The following PSPH variants were observed in gnomAD, a reference collection of about 807,000 sequenced individuals.
PSPH encodes L-3-phosphoserine phosphatase.
In PSPH, 16 loss-of-function variants were observed where a neutral mutation model predicts 23.4. The ratio of observed to expected loss-of-function variants is 0.68; its 90% CI spans 0.46 to 1.04. PSPH has a LOEUF of 1.04. Among genes scored for constraint, PSPH ranks in the 50% least tolerant of loss-of-function variants. The pLI is 0.00. For synonymous variants in PSPH, 68 were observed against 99.7 expected, an observed-to-expected ratio of 0.68 and a Z score of 1.89; for missense variants, 223 against 273.7, an observed-to-expected ratio of 0.81 and a Z score of 1.31.
chr7:56,015,443 C>A (rs1419386567), intron 6 of PSPH, among the ~76,000 whole-genome samples: 2 of 152,080 alleles, frequency 1.3e-5, no homozygotes, highest in East Asian at 1.9e-4. Flanking sequence ...CTCATGTGAT[C>A]CTCCTGCCTC....
In PSPH at chr7:56,019,626, TTGCTCTGCTATGAGTCTC is replaced by T. The variant is rs1789049642; in HGVS notation, c.231_248del (p.Arg78_Gln83del). 1 of 1,311,466 alleles carries T rather than the reference TTGCTCTGCTATGAGTCTC, an allele frequency of 7.6e-7. No individual in the cohort carries two copies. Among genetic ancestry groups the T allele is most frequent in the Admixed American group, 2.2e-5 (1 of 44,450 alleles). The allele number at this position is 1,311,466 out of a possible 1,614,324, so 81.2% of individuals were successfully genotyped here. A position where few individuals can be genotyped will look rare whatever the true frequency, so the allele number is the denominator to read the frequency against. On this transcript the variant is annotated inframe_deletion, in exon 5 of 8. Transcript: ENST00000275605. ...TTATGCCGGGGGTCAGGTGTGGGGG[TTGCTCTGCTATGAGTCTC>T]TGCACCTGCTCCCTGGAGGGCTGGA...
chr7:56,030,628 G>A (rs1295365045), intron 3 of PSPH, among the ~76,000 whole-genome samples: 3 of 152,280 alleles, frequency 2.0e-5, no homozygotes, highest in Non-Finnish European at 4.4e-5. Context: ...GCCAGGTGCG[G>A]TGGCTCACAG....
At chr7:56,034,581 T>C (rs1791474147) in intron 1 of PSPH, among the ~76,000 whole-genome samples, 1 of 152,150 alleles carries the variant, frequency 6.6e-6, no homozygotes, top group South Asian at 2.1e-4. Context: ...AGTGGCACGA[T>C]CTCGGCTCAC....
intron 3 of PSPH, among the ~76,000 whole-genome samples, chr7:56,031,263 G>T (rs928407717): frequency 6.6e-6 from 1 of 151,884 alleles, no homozygotes; most frequent in South Asian, 2.1e-4. Flanking sequence ...AAAAACTGAG[G>T]ACTACAAGAA....
At chr7:56,030,825 G>A (rs1790875828) in intron 3 of PSPH, among the ~76,000 whole-genome samples, 1 of 150,704 alleles carries the variant, frequency 6.6e-6, no homozygotes, top group Admixed American at 6.6e-5. Context: ...CTTGAACCTT[G>A]GAGGTGGAGG....
Position 56,040,404 on chromosome 7 carries a change from T to C in PSPH, c.-291-6298A>G, listed in dbSNP as rs560992676. On this transcript the variant is annotated intron_variant, in intron 1 of 7. Coordinates refer to ENST00000275605, the MANE Select transcript of PSPH (RefSeq NM_004577.4). ...ATTTATTTACTTATTTATTTTTATT[T>C]TTTTGGGACAGGGTCTGGCTCTGTC... Among the ~76,000 whole-genome samples the C allele has an allele frequency of 6.6e-5, 10 of 152,260 alleles. No homozygotes were observed. In the East Asian group the frequency reaches 1.9e-3, roughly 29 times the overall value.
intron 1 of PSPH, among the ~76,000 whole-genome samples, chr7:56,035,109 G>A (rs1162954204): frequency 6.6e-6 from 1 of 152,108 alleles, no homozygotes; most frequent in Non-Finnish European, 1.5e-5. Flanking sequence ...GGGAGGCTGA[G>A]GCAAGCGGAT....
chr7:56,037,706 ATTTTTTT>A (rs71015167), intron 1 of PSPH, among the ~76,000 whole-genome samples: 179 of 115,312 alleles, frequency 1.6e-3, no homozygotes, highest in Middle Eastern at 0.012. Flanking sequence ...AAGCTAACAA[ATTTTTTT>A]TTTTTTTTTT....
intron 1 of PSPH, among the ~76,000 whole-genome samples, chr7:56,045,885 T>C (rs1317636474): frequency 1.4e-5 from 1 of 70,612 alleles, no homozygotes; most frequent in African/African-American, 4.7e-5. Flanking sequence ...AGACTTTGTC[T>C]CAAAAAAAAA....
At chr7:56,034,657 G>A (rs951316429) in intron 1 of PSPH, among the ~76,000 whole-genome samples, 37 of 151,956 alleles carry the variant, frequency 2.4e-4, no homozygotes, top group Admixed American at 2.2e-3. Flanking sequence ...CCGGGACTAC[G>A]GGCGCCCGCC....
In PSPH at chr7:56,051,291, T is replaced by G. The variant is rs1420324577; in HGVS notation, c.-445A>C. On this transcript the variant is annotated 5_prime_UTR_variant, in exon 1 of 8. The change abolishes the stop of an existing upstream ORF in the 5' untranslated region. Coordinates refer to ENST00000275605, the MANE Select transcript of PSPH (RefSeq NM_004577.4). ...CCATCGCACCAGTCCTGCAGCTTTCTAAAGGTATCCAGCACTTTCTACCTT... is the reference window on the plus strand; with the variant it reads ...CCATCGCACCAGTCCTGCAGCTTTCGAAAGGTATCCAGCACTTTCTACCTT... The G allele has an allele frequency of 6.3e-6, 1 of 157,948 alleles. No individual in the cohort carries two copies. Among genetic ancestry groups the G allele is most frequent in the Non-Finnish European group, 1.4e-5 (1 of 71,344 alleles). The allele number at this position is 157,948 out of a possible 1,614,324, so 9.8% of individuals were successfully genotyped here.
intron 1 of PSPH, among the ~76,000 whole-genome samples, chr7:56,037,190 A>G (rs958278872): frequency 2.0e-5 from 3 of 151,688 alleles, no homozygotes; most frequent in Non-Finnish European, 4.4e-5. Flanking sequence ...AAAAAAAAAA[A>G]GCTTCATAGC....
intron 1 of PSPH, 139 bp from the exon 2 acceptor site, chr7:56,034,245 C>T (rs1222195096): frequency 6.6e-6 from 1 of 152,264 alleles, no homozygotes. Context: ...AACCAGCCCC[C>T]TCCTCCTCCG....
At chr7:56,018,128 G>A (rs1788828167) in intron 5 of PSPH, among the ~76,000 whole-genome samples, 8 of 151,850 alleles carry the variant, frequency 5.3e-5, no homozygotes, top group Admixed American at 4.6e-4. Flanking sequence ...GGTGGATCAC[G>A]AGCTCAGGCA....
At chr7:56,041,189 CTCTA>C (rs899877327) in intron 1 of PSPH, among the ~76,000 whole-genome samples, 2 of 150,808 alleles carry the variant, frequency 1.3e-5, no homozygotes, top group Non-Finnish European at 3.0e-5. Flanking sequence ...CATAGCAAGA[CTCTA>C]TCTCTCTCTC....
At chr7:56,013,637 G>A (rs573012000) in intron 7 of PSPH, among the ~76,000 whole-genome samples, 8 of 152,004 alleles carry the variant, frequency 5.3e-5, no homozygotes, top group African/African-American at 1.7e-4. Context: ...AGGCTGAGGC[G>A]GGAGGATCAT....
chr7:56,043,895 C>T (rs889053332), intron 1 of PSPH, among the ~76,000 whole-genome samples: 1 of 152,150 alleles, frequency 6.6e-6, no homozygotes, highest in African/African-American at 2.4e-5. Context: ...AGCCATCATT[C>T]ACACACAAAG....
At chr7:56,013,055 A>AC (rs56957291) in intron 7 of PSPH, among the ~76,000 whole-genome samples, 23 of 110,238 alleles carry the variant, frequency 2.1e-4, no homozygotes, top group East Asian at 3.3e-4. Flanking sequence ...ACACACATAT[A>AC]TGTATATGTG....
chr7:56,013,666 G>C (rs187679397), intron 7 of PSPH, among the ~76,000 whole-genome samples: 1 of 152,136 alleles, frequency 6.6e-6, no homozygotes, highest in Admixed American at 6.6e-5. Context: ...AGAAGTTCAG[G>C]GCTGTGATAA....
Sources: gnomAD v4.1 joint callset for allele counts (sites outside exome capture counted in the v4.1 genomes callset) on GRCh38, gnomAD v4.1.1 for gene constraint, MANE v1.5 for transcripts, NCBI Gene and HGNC (gene_info 2026-07-23, HGNC 2026-07-21) for gene names.